The following HLF variants were observed in gnomAD, a reference collection of about 807,000 sequenced individuals.
HLF encodes HLF transcription factor, PAR bZIP family member, also known as hepatic leukemia factor.
A neutral mutation model predicts 22.6 loss-of-function variants in HLF; 3 were observed. That is an observed-to-expected ratio of 0.13 (90% confidence interval 0.06 to 0.34). The LOEUF is 0.34. Ranked by LOEUF, HLF falls within the 10% of genes least tolerant of loss-of-function variation. The pLI is 1.00. For missense variants in HLF, 299 were observed against 389.2 expected, an observed-to-expected ratio of 0.77 and a Z score of 1.95; for synonymous variants, 151 against 151.8, an observed-to-expected ratio of 0.99 and a Z score of 0.04.
intron 2 of HLF, among the ~76,000 whole-genome samples, chr17:55,290,251 G>A (rs1027352177): frequency 1.3e-5 from 2 of 152,148 alleles, no homozygotes; most frequent in African/African-American, 4.8e-5. Flanking sequence ...ACTGCTGGGT[G>A]TACAGCTGTA....
intron 2 of HLF, chr17:55,273,750 G>T (rs1363046220): frequency 7.2e-6 from 1 of 139,668 alleles, no homozygotes; most frequent in African/African-American, 2.6e-5. Context: ...TGGTGTGCTG[G>T]CTTGCTTTTT....
At chr17:55,300,910 T>G (rs138975970) in intron 2 of HLF, among the ~76,000 whole-genome samples, 42 of 152,356 alleles carry the variant, frequency 2.8e-4, no homozygotes, top group African/African-American at 9.9e-4. Flanking sequence ...CTTCTGTGTC[T>G]GTCTCAATGC....
chr17:55,279,920 C>T (rs2080938511), intron 2 of HLF, among the ~76,000 whole-genome samples: 1 of 151,920 alleles, frequency 6.6e-6, no homozygotes. Flanking sequence ...CATTCATTTA[C>T]CTGCCACCAG....
rs553746581 is a variant in HLF, at chr17:55,264,996, G to A, written c.-489G>A. The A allele has an allele frequency of 1.8e-5, 3 of 166,790 alleles. No individual in the cohort carries two copies. The highest frequency in any genetic ancestry group is 6.5e-5 in the Admixed American group (1 of 15,354). 10.3% of individuals were successfully genotyped at this position (166,790 alleles called of 1,614,324 possible). A position where few individuals can be genotyped will look rare whatever the true frequency, so the allele number is the denominator to read the frequency against. ...GGCCGCGGCACATGGGCGGCCGGATGCGCTGAGCCCGGCGCTGCGGGGCCG... is the reference window on the plus strand; with the variant it reads ...GGCCGCGGCACATGGGCGGCCGGATACGCTGAGCCCGGCGCTGCGGGGCCG... On this transcript the variant is annotated 5_prime_UTR_variant, in exon 1 of 4. An upstream start codon of the reference 5' UTR is lost. Coordinates refer to ENST00000226067, the MANE Select transcript of HLF (RefSeq NM_002126.5).
At chr17:55,275,611 C>T (rs1338978643) in intron 2 of HLF, among the ~76,000 whole-genome samples, 1 of 152,190 alleles carries the variant, frequency 6.6e-6, no homozygotes, top group Non-Finnish European at 1.5e-5. Flanking sequence ...TTTACATAAG[C>T]ATTCCAGAAT....
At position 55,320,567 on chromosome 17, in the gene HLF, C is replaced by T. The variant is rs545410674; in HGVS notation, c.673-97C>T. 1 of 1,064,488 alleles carries T rather than the reference C, an allele frequency of 9.4e-7. No individual in the cohort carries two copies. Among genetic ancestry groups the T allele is most frequent in the Admixed American group, 2.5e-5 (1 of 40,160 alleles). 65.9% of individuals were successfully genotyped at this position (1,064,488 alleles called of 1,614,324 possible). A position where few individuals can be genotyped will look rare whatever the true frequency, so the allele number is the denominator to read the frequency against. On this transcript the variant is annotated intron_variant, in intron 3 of 3. Transcript: ENST00000226067. This position sits in a 1 kb window ranked among gnomAD's most constrained non-coding sequence, Gnocchi z 4.2. ...AGCTAAGAAACCCGGGCTGGCACCTCTGCACAATCCTGGAGCCTGCCCGTG... is the reference window on the plus strand; with the variant it reads ...AGCTAAGAAACCCGGGCTGGCACCTTTGCACAATCCTGGAGCCTGCCCGTG...
In HLF at chr17:55,323,418, A is replaced by G. The variant is rs1415218901; in HGVS notation, c.*2539A>G. 2.3e-5 allele frequency: 5 copies of G among 213,716 alleles called. No individual in the cohort carries two copies. The highest frequency in any genetic ancestry group is 4.5e-5 in the African/African-American group (2 of 44,294). The allele number at this position is 213,716 out of a possible 1,614,324, so 13.2% of individuals were successfully genotyped here. ...CCATCCAAATTTATGGCCGTATCAA[A>G]TGGTAGCTGAAAAAACTATATTTGA... On this transcript the variant is annotated 3_prime_UTR_variant, in exon 4 of 4. Transcript: ENST00000226067.
chr17:55,310,620 C>A (rs903458365), intron 2 of HLF, among the ~76,000 whole-genome samples: 3 of 152,106 alleles, frequency 2.0e-5, no homozygotes, highest in African/African-American at 7.2e-5. Context: ...TTGCAGAAAC[C>A]GGCTAATGCA....
chr17:55,269,697 C>G (rs368323882), intron 2 of HLF, among the ~76,000 whole-genome samples: 4 of 152,092 alleles, frequency 2.6e-5, no homozygotes, highest in African/African-American at 9.7e-5. Flanking sequence ...AGCAATGAGT[C>G]TTCTATTTGT....
At chr17:55,265,863 C>G in intron 1 of HLF, 1 of 1,236,602 alleles carries the variant, frequency 8.1e-7, no homozygotes, top group Non-Finnish European at 1.0e-6. Context: ...TCCTGCGGCG[C>G]GGGTGGGAGG....
intron 1 of HLF, among the ~76,000 whole-genome samples, chr17:55,266,624 G>T (rs1226207051): frequency 6.6e-6 from 1 of 152,244 alleles, no homozygotes; most frequent in Non-Finnish European, 1.5e-5. Context: ...TTAAGGAAGA[G>T]CATTTGGGAG....
intron 2 of HLF, among the ~76,000 whole-genome samples, chr17:55,301,743 T>C (rs931441465): frequency 6.6e-6 from 1 of 152,212 alleles, no homozygotes. Flanking sequence ...TGGCTTCCTT[T>C]GATCATGGTG....
At chr17:55,303,129 A>G (rs1250879728) in intron 2 of HLF, among the ~76,000 whole-genome samples, 1 of 152,172 alleles carries the variant, frequency 6.6e-6, no homozygotes, top group Non-Finnish European at 1.5e-5. Context: ...TCTGCACACC[A>G]TAGCAGGGAT....
At chr17:55,275,158 C>T (rs536079330) in intron 2 of HLF, among the ~76,000 whole-genome samples, 10 of 152,258 alleles carry the variant, frequency 6.6e-5, no homozygotes, top group Admixed American at 1.3e-4. Flanking sequence ...AGCAGTGGCG[C>T]GATCATGGTT....
intron 3 of HLF, among the ~76,000 whole-genome samples, chr17:55,316,571 C>T (rs988738260): frequency 2.0e-5 from 3 of 152,198 alleles, no homozygotes; most frequent in Admixed American, 1.3e-4. Flanking sequence ...TGAAGGGGAC[C>T]TTAGAGATTC....
Position 55,321,019 on chromosome 17 carries a change from C to A in HLF, c.*140C>A. ...AACTGACTCCCATTTTGGTGTGCAT[C>A]TGTGTGTGTGTGCGTGTATATGTGC... On this transcript the variant is annotated 3_prime_UTR_variant, in exon 4 of 4. Transcript: ENST00000226067. The A allele has an allele frequency of 1.5e-6, 1 of 669,232 alleles. No homozygotes were observed. The highest frequency in any genetic ancestry group is 1.8e-5 in the South Asian group (1 of 54,684). 41.5% of individuals were successfully genotyped at this position (669,232 alleles called of 1,614,324 possible).
At chr17:55,312,473 T>A (rs2145366885) in intron 2 of HLF, among the ~76,000 whole-genome samples, 1 of 152,358 alleles carries the variant, frequency 6.6e-6, no homozygotes, top group South Asian at 2.1e-4. Flanking sequence ...GAATTATACA[T>A]CGTTATATAT....
intron 3 of HLF, 52 bp downstream of exon 3, chr17:55,315,499 A>G: frequency 7.5e-7 from 1 of 1,326,316 alleles, no homozygotes. Flanking sequence ...TGGGATCCAC[A>G]GACAGATTAA....
rs571348823 is a variant in HLF, at chr17:55,308,554, G to A, written c.452-6673G>A. 1.1e-4 allele frequency among the ~76,000 whole-genome samples: 16 copies of A among 152,260 alleles called. No individual in the cohort carries two copies. In the South Asian group the frequency reaches 2.9e-3, roughly 28 times the overall value. ...ACAGACCTTATTAGGATTTAGAGGG[G>A]CATTTTTTGGGGGTCATTTATTTAC... On this transcript the variant is annotated intron_variant, in intron 2 of 3. Coordinates refer to ENST00000226067, the MANE Select transcript of HLF (RefSeq NM_002126.5).
Sources: gnomAD v4.1 joint callset for allele counts (sites outside exome capture counted in the v4.1 genomes callset) on GRCh38, gnomAD v4.1.1 for gene constraint, Gnocchi (gnomAD v3.1) non-coding constraint, MANE v1.5 for transcripts, NCBI Gene and HGNC (gene_info 2026-07-23, HGNC 2026-07-21) for gene names.